CDK5RAP2: variants seen among roughly 807,000 people sequenced by gnomAD.
The protein encoded by CDK5RAP2 is CDK5 regulatory subunit-associated protein 2.
CDK5RAP2 carries 147 observed loss-of-function variants against 232.9 expected under a neutral mutation model. The ratio of observed to expected loss-of-function variants is 0.63; its 90% CI spans 0.55 to 0.72. CDK5RAP2 has a LOEUF of 0.72. CDK5RAP2 is among the 30% of genes least tolerant of loss of function. The pLI, the probability that CDK5RAP2 is intolerant of heterozygous loss-of-function variation, is 0.00. For missense variants in CDK5RAP2, 2,195 were observed against 2,231.5 expected, an observed-to-expected ratio of 0.98 and a Z score of 0.33; for synonymous variants, 833 against 833.7, an observed-to-expected ratio of 1.00 and a Z score of 0.01.
intron 37 of CDK5RAP2, 76 bp from the exon 38 acceptor site, chr9:120,389,368 A>G: frequency 8.7e-7 from 1 of 1,144,372 alleles, no homozygotes; most frequent in South Asian, 1.3e-5. Context: ...ACAGAGGTGA[A>G]AGCGAGACTG....
rs1052641874 is a variant in CDK5RAP2, at chr9:120,439,574, C to T, written c.3547G>A (p.Val1183Met). 1.7e-5 allele frequency: 27 copies of T among 1,614,096 alleles called. No individual in the cohort carries two copies. Among genetic ancestry groups the T allele is most frequent in the Non-Finnish European group, 2.3e-5 (27 of 1,180,040 alleles). Reference protein sequence around the residue: ...SLHQVRYVKHVKILGPLAPEM... With the variant: ...SLHQVRYVKHMKILGPLAPEM... ...GGGGCCAGCGGACCGAGGATTTTCA[C>T]GTGTTTCACGTATCGCACTTGGTGC... Residue 1183 changes from valine (V) to methionine (M), a missense_variant, in exon 24 of 38, where the codon GTG becomes ATG. Coordinates refer to ENST00000349780, the MANE Select transcript of CDK5RAP2 (RefSeq NM_018249.6).
intron 25 of CDK5RAP2, among the ~76,000 whole-genome samples, chr9:120,428,191 A>G (rs2035040981): frequency 2.0e-5 from 3 of 152,204 alleles, no homozygotes. Flanking sequence ...ATCACAATTA[A>G]AAGAACTAGG....
At chr9:120,476,459 C>T (rs1362639227) in intron 15 of CDK5RAP2, among the ~76,000 whole-genome samples, 1 of 151,844 alleles carries the variant, frequency 6.6e-6, no homozygotes, top group Non-Finnish European at 1.5e-5. Flanking sequence ...GTGGGTGGAT[C>T]CTGAGGTCAG....
intron 15 of CDK5RAP2, among the ~76,000 whole-genome samples, chr9:120,474,636 C>A (rs772392039): frequency 2.0e-5 from 3 of 152,176 alleles, no homozygotes; most frequent in Admixed American, 6.5e-5. Context: ...TCCTTCACTG[C>A]GGAACACCGG....
intron 3 of CDK5RAP2, among the ~76,000 whole-genome samples, chr9:120,564,362 C>T (rs769982746): frequency 3.3e-4 from 50 of 151,846 alleles, no homozygotes; most frequent in Admixed American, 1.5e-3. Context: ...TGGTGGCATA[C>T]GCCTGTAATC....
intron 26 of CDK5RAP2, among the ~76,000 whole-genome samples, chr9:120,420,944 T>C (rs913806804): frequency 6.6e-6 from 1 of 152,142 alleles, no homozygotes; most frequent in Non-Finnish European, 1.5e-5. Flanking sequence ...CTGTCAGAAA[T>C]GAAAAGGAGT....
intron 14 of CDK5RAP2, among the ~76,000 whole-genome samples, chr9:120,486,326 G>A (rs936229059): frequency 6.7e-6 from 1 of 149,876 alleles, no homozygotes; most frequent in Non-Finnish European, 1.5e-5. Context: ...GTCACAATCA[G>A]AGCCATTCAT....
At position 120,402,281 on chromosome 9, in the gene CDK5RAP2, G is replaced by A. The variant is rs1332011895; in HGVS notation, c.5307+525C>T. On this transcript the variant is annotated intron_variant, in intron 34 of 37. Coordinates refer to ENST00000349780, the MANE Select transcript of CDK5RAP2 (RefSeq NM_018249.6). ...CCACTGCACTCCAGCCTGGGTGACA[G>A]AGCTAGATCCTGTCTCAAAATAAAA... Among the ~76,000 whole-genome samples, 4 of 152,268 alleles carry A rather than the reference G, an allele frequency of 2.6e-5. No individual in the cohort carries two copies. The East Asian group carries it at 7.7e-4, about 29-fold the overall frequency.
At chr9:120,532,434 G>A (rs1018659818) in intron 7 of CDK5RAP2, 13 of 152,206 alleles carry the variant, frequency 8.5e-5, no homozygotes, top group South Asian at 2.1e-4. Flanking sequence ...GTCCATCCAC[G>A]TGAGGGGTCC....
chr9:120,459,312 G>A (rs2036956527), intron 19 of CDK5RAP2, among the ~76,000 whole-genome samples: 1 of 152,226 alleles, frequency 6.6e-6, no homozygotes, highest in South Asian at 2.1e-4. Flanking sequence ...TCTTTGAGGT[G>A]CTGCAATTAA....
intron 3 of CDK5RAP2, among the ~76,000 whole-genome samples, chr9:120,558,859 T>C (rs1021458469): frequency 6.6e-6 from 1 of 152,228 alleles, no homozygotes; most frequent in African/African-American, 2.4e-5. Context: ...TCACAATCTG[T>C]ATATGTTTCA....
chr9:120,515,744 T>C lies in CDK5RAP2; in HGVS notation c.1311+2683A>G, dbSNP rs574297424. Among the ~76,000 whole-genome samples, 514 of 152,292 alleles carry C rather than the reference T, an allele frequency of 3.4e-3. 3 individuals are homozygous for C. The highest frequency in any genetic ancestry group is 0.011 in the African/African-American group (473 of 41,568). Reference sequence around the variant, plus strand: ...GACACTTCTCAAAAGAAGACATTTATGCAGCCAAAAAACACATGAAAAAAT... The same window carrying C: ...GACACTTCTCAAAAGAAGACATTTACGCAGCCAAAAAACACATGAAAAAAT... On this transcript the variant is annotated intron_variant, in intron 12 of 37. Transcript: ENST00000349780.
chr9:120,523,215 G>T (rs905151449), intron 11 of CDK5RAP2, among the ~76,000 whole-genome samples: 1 of 152,236 alleles, frequency 6.6e-6, no homozygotes, highest in East Asian at 1.9e-4. Flanking sequence ...TAAGACTGGG[G>T]TTATTAAGTT....
Position 120,569,870 on chromosome 9 carries a change from T to C in CDK5RAP2, c.128-1482A>G, listed in dbSNP as rs118155055. ...AATCTAGGCCGCAGATCATGGTGGGTTGGAGTAGGATGGAAGGAGTATAGG... is the reference window on the plus strand; with the variant it reads ...AATCTAGGCCGCAGATCATGGTGGGCTGGAGTAGGATGGAAGGAGTATAGG... On this transcript the variant is annotated intron_variant, in intron 2 of 37. Coordinates refer to ENST00000349780, the MANE Select transcript of CDK5RAP2 (RefSeq NM_018249.6). Among the ~76,000 whole-genome samples, 474 of 151,968 alleles carry C rather than the reference T, an allele frequency of 3.1e-3. 19 individuals are homozygous for C. In the East Asian group the frequency reaches 0.079, roughly 25 times the overall value.
At chr9:120,441,863 T>A (rs1281868188) in intron 23 of CDK5RAP2, among the ~76,000 whole-genome samples, 2 of 152,222 alleles carry the variant, frequency 1.3e-5, no homozygotes, top group South Asian at 2.1e-4. Flanking sequence ...GTGTCATCCA[T>A]GTCTGTTTCT....
In CDK5RAP2 at chr9:120,494,767, G is replaced by A. The variant is rs868615121; in HGVS notation, c.1312-3290C>T. Among the ~76,000 whole-genome samples, 170 of 96,826 alleles carry A rather than the reference G, an allele frequency of 1.8e-3. 13 individuals carry two copies. Among genetic ancestry groups the A allele is most frequent in the African/African-American group, 0.012 (156 of 13,460 alleles). The allele number at this position is 96,826 out of a possible 152,430, so 63.5% of individuals were successfully genotyped here. ...CAGGTAAGAATCATCAGGCGGCGCCGGAGGCCCCAGAAGGGTCGAAGGCGC... is the reference window on the plus strand; with the variant it reads ...CAGGTAAGAATCATCAGGCGGCGCCAGAGGCCCCAGAAGGGTCGAAGGCGC... On this transcript the variant is annotated intron_variant, in intron 12 of 37. Transcript: ENST00000349780.
At chr9:120,540,716 C>T (rs1228735636) in intron 5 of CDK5RAP2, among the ~76,000 whole-genome samples, 3 of 152,224 alleles carry the variant, frequency 2.0e-5, no homozygotes, top group African/African-American at 4.8e-5. Context: ...AATTACCTCT[C>T]ACACCTCAGT....
chr9:120,429,888 C>A (rs558024444), intron 25 of CDK5RAP2, among the ~76,000 whole-genome samples: 2 of 152,334 alleles, frequency 1.3e-5, no homozygotes, highest in East Asian at 3.8e-4. Context: ...ACCAAAACAG[C>A]ATGGTACTGG....
chr9:120,523,742 G>A (rs2040774579), intron 11 of CDK5RAP2, among the ~76,000 whole-genome samples: 1 of 152,210 alleles, frequency 6.6e-6, no homozygotes, highest in Non-Finnish European at 1.5e-5. Context: ...GACTTACTTT[G>A]ATGATAAAAC....
Sources: gnomAD v4.1 joint callset for allele counts (sites outside exome capture counted in the v4.1 genomes callset) on GRCh38, gnomAD v4.1.1 for gene constraint, MANE v1.5 for transcripts, NCBI Gene and HGNC (gene_info 2026-07-23, HGNC 2026-07-21) for gene names.